Variants in CDK6 observed in about 807,000 individuals in gnomAD.
CDK6 encodes the protein cyclin dependent kinase 6, also known as cyclin-dependent kinase 6.
In CDK6, 6 loss-of-function variants were observed where a neutral mutation model predicts 37.1. The observed-to-expected ratio is 0.16, with a 90% confidence interval of 0.09 to 0.32. The LOEUF (loss-of-function observed/expected upper bound fraction) is 0.32, where lower values mean the gene tolerates loss of function less well. Among genes scored for constraint, CDK6 ranks in the 10% least tolerant of loss-of-function variants. The pLI, the probability that CDK6 is intolerant of heterozygous loss-of-function variation, is 1.00. For synonymous variants in CDK6, 160 were observed against 161.3 expected (o/e 0.99, Z 0.06); for missense variants, 224 against 418.9 (o/e 0.53, Z 4.06).
intron 5 of CDK6, among the ~76,000 whole-genome samples, chr7:92,657,603 C>T (rs1242071461): frequency 2.0e-5 from 3 of 152,130 alleles, no homozygotes; most frequent in Admixed American, 6.6e-5. Context: ...CCTTCCCTAT[C>T]ACTACCCAAC....
chr7:92,811,283 T>G (rs1301375776), intron 2 of CDK6, among the ~76,000 whole-genome samples: 1 of 152,142 alleles, frequency 6.6e-6, no homozygotes, highest in Admixed American at 6.5e-5. Context: ...ATGTTGTATC[T>G]ACTAGAAATC....
intron 4 of CDK6, among the ~76,000 whole-genome samples, chr7:92,699,225 C>A (rs1360965498): frequency 6.6e-6 from 1 of 152,064 alleles, no homozygotes; most frequent in Non-Finnish European, 1.5e-5. Context: ...TTTTAGGATC[C>A]CTTTTAAAGC....
intron 2 of CDK6, among the ~76,000 whole-genome samples, chr7:92,792,571 T>C (rs1340238643): frequency 2.0e-5 from 3 of 152,076 alleles, no homozygotes; most frequent in Non-Finnish European, 4.4e-5. Flanking sequence ...TATACTCCCA[T>C]AGTGATATCT....
intron 5 of CDK6, among the ~76,000 whole-genome samples, chr7:92,638,776 C>A (rs1796234912): frequency 6.6e-6 from 1 of 152,048 alleles, no homozygotes; most frequent in Non-Finnish European, 1.5e-5. Context: ...TGTCTTTTGA[C>A]CCCCCCAGAG....
chr7:92,768,649 T>G (rs1454923970), intron 3 of CDK6, among the ~76,000 whole-genome samples: 1 of 152,214 alleles, frequency 6.6e-6, no homozygotes, highest in Admixed American at 6.5e-5. Context: ...GGTAGAGTAT[T>G]TGTTCTTTGA....
intron 4 of CDK6, among the ~76,000 whole-genome samples, chr7:92,717,253 G>A (rs551289242): frequency 1.2e-4 from 19 of 152,066 alleles, no homozygotes; most frequent in African/African-American, 4.6e-4. Context: ...GAGGCAGGAG[G>A]ATGGCTTGAG....
intron 3 of CDK6, among the ~76,000 whole-genome samples, chr7:92,728,081 A>T (rs1345789998): frequency 6.6e-6 from 1 of 152,230 alleles, no homozygotes; most frequent in Non-Finnish European, 1.5e-5. Context: ...GCAGCCAATT[A>T]GCAGTATACA....
intron 5 of CDK6, among the ~76,000 whole-genome samples, chr7:92,670,552 A>G (rs1382405889): frequency 6.6e-6 from 1 of 152,244 alleles, no homozygotes; most frequent in Non-Finnish European, 1.5e-5. Flanking sequence ...TTCTCTGTTT[A>G]ATTTAGACTA....
intron 4 of CDK6, among the ~76,000 whole-genome samples, chr7:92,713,722 A>G (rs1798156584): frequency 6.6e-6 from 1 of 151,912 alleles, no homozygotes; most frequent in Non-Finnish European, 1.5e-5. Flanking sequence ...TGCACTCTTG[A>G]CAATATCCAA....
intron 4 of CDK6, among the ~76,000 whole-genome samples, chr7:92,679,787 C>T (rs1321018395): frequency 1.3e-5 from 2 of 151,264 alleles, no homozygotes; most frequent in Admixed American, 6.6e-5. Flanking sequence ...GTGGTGTGAT[C>T]TCGGCTCACT....
intron 4 of CDK6, among the ~76,000 whole-genome samples, chr7:92,708,077 G>A (rs568404188): frequency 1.7e-4 from 26 of 152,154 alleles, no homozygotes; most frequent in African/African-American, 3.9e-4. Context: ...TAGCCCCAAG[G>A]AGAGAAAAAT....
rs535709588 is a variant in CDK6, at chr7:92,835,924, T to C, written c.-368+554A>G. Among the ~76,000 whole-genome samples the C allele has an allele frequency of 2.7e-4, 41 of 152,338 alleles. No individual in the cohort carries two copies. The highest frequency in any genetic ancestry group is 6.7e-4 in the African/African-American group (28 of 41,578). Reference sequence around the variant, plus strand: ...TGGGCACTGGCCGGCTGCGTGCACTTTTCTGTGTATAACACGCCCGCAGGA... The same window carrying C: ...TGGGCACTGGCCGGCTGCGTGCACTCTTCTGTGTATAACACGCCCGCAGGA... On this transcript the variant is annotated intron_variant, in intron 1 of 7. Coordinates refer to ENST00000424848, the MANE Select transcript of CDK6 (RefSeq NM_001145306.2). This position sits in a 1 kb window ranked among gnomAD's most constrained non-coding sequence, Gnocchi z 4.2.
chr7:92,777,360 T>C lies in CDK6; in HGVS notation c.234-2529A>G, dbSNP rs183650271. 2.5e-3 allele frequency among the ~76,000 whole-genome samples: 375 copies of C among 152,298 alleles called. 3 individuals are homozygous for C. Among genetic ancestry groups the C allele is most frequent in the African/African-American group, 8.8e-3 (364 of 41,560 alleles). ...CGATTCTCCTGCCTCAGCCAAGTAC[T>C]ACTCCCAACCCGAGTGGCTGGGATT... On this transcript the variant is annotated intron_variant, in intron 2 of 7. Transcript: ENST00000424848.
At chr7:92,672,243 A>AC in intron 4 of CDK6, among the ~76,000 whole-genome samples, 1 of 122,100 alleles carries the variant, frequency 8.2e-6, no homozygotes. Flanking sequence ...ACACACACAC[A>AC]TATATGAAGA....
intron 4 of CDK6, among the ~76,000 whole-genome samples, chr7:92,712,869 T>TGTATGTAG (rs1562943829): frequency 6.6e-6 from 1 of 151,396 alleles, no homozygotes; most frequent in African/African-American, 2.4e-5. Flanking sequence ...TATGTATGTA[T>TGTATGTAG]GTATGTATGT....
rs761676819 is a variant in CDK6 at position 92,615,156 on chromosome 7, T to C, written c.965A>G (p.Glu322Gly). The C allele has an allele frequency of 1.5e-5, 25 of 1,613,708 alleles. No individual in the cohort carries two copies. Among genetic ancestry groups the C allele is most frequent in the Non-Finnish European group, 2.1e-5 (25 of 1,180,016 alleles). ...SHLPPSQNTS[E>G]LNTA is the part of the protein sequence containing the mutation. ...GCTGAGGCCTCAGGCTGTATTCAGC[T>C]CCGAGGTGTTCTGGCTGGGCGGCAG... Residue 322 changes from glutamate to glycine, a missense_variant, in exon 8 of 8, where the codon GAG becomes GGG. By Grantham distance (98) the Glu-to-Gly change is moderately conservative (BLOSUM62 -2). This residue lies in a region of CDK6 where 90 missense variants were observed against 136.2 expected (regional missense o/e 0.66). Transcript: ENST00000424848.
chr7:92,619,930 C>T (rs910345471), intron 6 of CDK6, among the ~76,000 whole-genome samples: 44 of 151,932 alleles, frequency 2.9e-4, no homozygotes, highest in African/African-American at 8.5e-4. Flanking sequence ...AAGAAATGCA[C>T]GTGTAAGTGT....
chr7:92,763,855 G>C (rs1375176696), intron 3 of CDK6, among the ~76,000 whole-genome samples: 1 of 152,180 alleles, frequency 6.6e-6, no homozygotes, highest in Non-Finnish European at 1.5e-5. Context: ...GGTGTCACCA[G>C]AGGGTACTTA....
chr7:92,695,255 T>C (rs1321446464), intron 4 of CDK6, among the ~76,000 whole-genome samples: 1 of 147,072 alleles, frequency 6.8e-6, no homozygotes, highest in African/African-American at 2.5e-5. Context: ...TTGTTGGTGA[T>C]TAAGGGACCC....
Sources: allele counts gnomAD v4.1 joint callset (sites outside exome capture counted in the v4.1 genomes callset), GRCh38; gene constraint gnomAD v4.1.1; regional missense constraint gnomAD v4.1.1; non-coding constraint Gnocchi (gnomAD v3.1); transcripts MANE v1.5; gene names NCBI Gene and HGNC (gene_info 2026-07-23, HGNC 2026-07-21).